The following CTNNA3 variants were observed in gnomAD, a reference collection of about 807,000 sequenced individuals.
CTNNA3 encodes catenin alpha-3.
A neutral mutation model predicts 95.7 loss-of-function variants in CTNNA3; 76 were observed. That is an observed-to-expected ratio of 0.79 (90% CI 0.66 to 0.96). The LOEUF (loss-of-function observed/expected upper bound fraction) is 0.96, where lower values mean the gene tolerates loss of function less well. Ranked by LOEUF, CTNNA3 falls within the 40% of genes least tolerant of loss-of-function variation. CTNNA3 has a pLI of 0.00. For synonymous variants in CTNNA3, 431 were observed against 374.4 expected (o/e 1.15, Z -1.74); for missense variants, 1,191 against 1,089.8 (o/e 1.09, Z -1.31).
At chr10:67,668,747 C>G (rs1377702228) in intron 1 of CTNNA3, among the ~76,000 whole-genome samples, 1 of 151,728 alleles carries the variant, frequency 6.6e-6, no homozygotes, top group Non-Finnish European at 1.5e-5. Flanking sequence ...TCTGGAATTT[C>G]CATTTCATAT....
chr10:66,332,619 T>C (rs1412583084), intron 12 of CTNNA3, among the ~76,000 whole-genome samples: 1 of 152,080 alleles, frequency 6.6e-6, no homozygotes, highest in Non-Finnish European at 1.5e-5. Flanking sequence ...TGTTACTGTA[T>C]TTGGTTTGCC....
At chr10:66,079,522 T>C (rs2080663236) in intron 14 of CTNNA3, among the ~76,000 whole-genome samples, 1 of 151,990 alleles carries the variant, frequency 6.6e-6, no homozygotes, top group Non-Finnish European at 1.5e-5. Context: ...ACTATGTATG[T>C]ATTAAATGTG....
intron 9 of CTNNA3, among the ~76,000 whole-genome samples, chr10:66,702,076 T>G (rs1358642665): frequency 2.0e-5 from 3 of 152,196 alleles, no homozygotes. Context: ...AAGCAACAAT[T>G]TTCTTAACTT....
chr10:66,882,951 C>T (rs144210086), intron 7 of CTNNA3, among the ~76,000 whole-genome samples: 1 of 151,892 alleles, frequency 6.6e-6, no homozygotes, highest in Non-Finnish European at 1.5e-5. Context: ...TTTTTAAAAA[C>T]CCCAGATGTG....
intron 5 of CTNNA3, among the ~76,000 whole-genome samples, chr10:67,401,670 A>G (rs931548821): frequency 3.3e-5 from 5 of 152,174 alleles, no homozygotes; most frequent in South Asian, 2.1e-4. Context: ...GGCTCCCCCA[A>G]GCAGACCTGA....
intron 5 of CTNNA3, among the ~76,000 whole-genome samples, chr10:67,448,553 A>G (rs1846842428): frequency 6.6e-6 from 1 of 152,118 alleles, no homozygotes; most frequent in Non-Finnish European, 1.5e-5. Context: ...AGAAGAATGA[A>G]TGAATGAATG....
At position 66,360,808 on chromosome 10, in the gene CTNNA3, CCTTCCTTCCTTTCTTTCTTTCTTT is replaced by C. The variant is rs1195379282; in HGVS notation, c.1732+18320_1732+18343del. Among the ~76,000 whole-genome samples the C allele has an allele frequency of 3.8e-3, 233 of 61,774 alleles. 7 individuals carry two copies. Among genetic ancestry groups the C allele is most frequent in the Non-Finnish European group, 4.8e-3 (153 of 31,798 alleles). The allele number at this position is 61,774 out of a possible 152,430, so 40.5% of individuals were successfully genotyped here. ...TTCTTCCTTCCTTCCTTCCTTCCTTCCTTCCTTCCTTTCTTTCTTTCTTTCTTTCTTTCTTTCTTTCTTTCTTTC... is the reference window on the plus strand; with the variant it reads ...TTCTTCCTTCCTTCCTTCCTTCCTTCCTTTCTTTCTTTCTTTCTTTCTTTC... On this transcript the variant is annotated intron_variant, in intron 12 of 17. Coordinates refer to ENST00000433211, the MANE Select transcript of CTNNA3 (RefSeq NM_013266.4).
chr10:67,130,407 G>T (rs1859937376), intron 7 of CTNNA3, among the ~76,000 whole-genome samples: 1 of 152,074 alleles, frequency 6.6e-6, no homozygotes, highest in South Asian at 2.1e-4. Context: ...TATCTCAAAA[G>T]GTTGCTGACC....
At position 66,051,777 on chromosome 10, in the gene CTNNA3, G is replaced by C. The variant is rs1483704221; in HGVS notation, c.2159+17531C>G. ...ATCAATTCTATCAGTTCAGAAACAT[G>C]ATAGAACCCTTTCCTAACATCTTAG... On this transcript the variant is annotated intron_variant, in intron 15 of 17. Coordinates refer to ENST00000433211, the MANE Select transcript of CTNNA3 (RefSeq NM_013266.4). 2.0e-5 allele frequency among the ~76,000 whole-genome samples: 3 copies of C among 152,128 alleles called. No homozygotes were observed. In the East Asian group the frequency reaches 5.8e-4, roughly 29 times the overall value.
At chr10:67,067,184 C>T (rs946394250) in intron 7 of CTNNA3, among the ~76,000 whole-genome samples, 15 of 152,122 alleles carry the variant, frequency 9.9e-5, no homozygotes, top group Admixed American at 8.5e-4. Context: ...TCTTAGCAAA[C>T]TATATGGAGA....
At chr10:66,307,445 T>C (rs916513080) in intron 12 of CTNNA3, among the ~76,000 whole-genome samples, 2 of 152,198 alleles carry the variant, frequency 1.3e-5, no homozygotes, top group Admixed American at 1.3e-4. Context: ...TTTTTAGTCA[T>C]GATTCTAAAG....
chr10:66,628,362 G>A (rs10997267), intron 9 of CTNNA3, among the ~76,000 whole-genome samples: 27,599 of 151,822 alleles, frequency 0.18, 2,925 homozygotes, highest in Non-Finnish European at 0.24. Context: ...ATTCTGTACC[G>A]TATGAATATA....
chr10:65,975,132 G>C (rs181824424), intron 16 of CTNNA3, among the ~76,000 whole-genome samples: 6 of 152,024 alleles, frequency 3.9e-5, no homozygotes, highest in African/African-American at 1.2e-4. Context: ...AGTCAAAGTC[G>C]ATAATAATCA....
At chr10:66,175,471 C>G (rs1589640105) in intron 13 of CTNNA3, among the ~76,000 whole-genome samples, 1 of 152,180 alleles carries the variant, frequency 6.6e-6, no homozygotes, top group Admixed American at 6.6e-5. Flanking sequence ...AGGGATATCA[C>G]CAAACACTGA....
intron 9 of CTNNA3, among the ~76,000 whole-genome samples, chr10:66,654,941 G>A (rs570822871): frequency 6.6e-6 from 1 of 152,160 alleles, no homozygotes; most frequent in South Asian, 2.1e-4. Context: ...TGGGCTGTGG[G>A]ATGGGGTGGA....
chr10:66,732,399 C>A (rs1251864729), intron 9 of CTNNA3, among the ~76,000 whole-genome samples: 1 of 152,106 alleles, frequency 6.6e-6, no homozygotes, highest in Non-Finnish European at 1.5e-5. Flanking sequence ...TGGCTTTGTA[C>A]CCTGATTAGT....
chr10:66,582,557 T>C (rs573988363), intron 10 of CTNNA3, among the ~76,000 whole-genome samples: 1 of 151,952 alleles, frequency 6.6e-6, no homozygotes, highest in African/African-American at 2.4e-5. Context: ...TAGGGCTTTC[T>C]AGATATAAGA....
intron 12 of CTNNA3, among the ~76,000 whole-genome samples, chr10:66,336,262 C>T (rs1404868703): frequency 3.9e-5 from 6 of 152,024 alleles, no homozygotes; most frequent in Non-Finnish European, 8.8e-5. Flanking sequence ...CGACAATCCC[C>T]AGTGAGATGA....
At chr10:67,468,525 A>T (rs12246575) in intron 5 of CTNNA3, among the ~76,000 whole-genome samples, 26,074 of 152,084 alleles carry the variant, frequency 0.17, 3,541 homozygotes, top group African/African-American at 0.35. Flanking sequence ...TGTAGCATGG[A>T]TTGCCCCTCC....
Sources: allele counts gnomAD v4.1 joint callset (sites outside exome capture counted in the v4.1 genomes callset), GRCh38; gene constraint gnomAD v4.1.1; transcripts MANE v1.5; gene names NCBI Gene and HGNC (gene_info 2026-07-23, HGNC 2026-07-21).